ENOX1: variants seen among roughly 807,000 people sequenced by gnomAD.
ENOX1 encodes the protein ecto-NOX disulfide-thiol exchanger 1.
In ENOX1, 42 loss-of-function variants were observed where a neutral mutation model predicts 82.5. The observed-to-expected ratio is 0.51, with a 90% confidence interval of 0.40 to 0.66. The LOEUF is 0.66. Among genes scored for constraint, ENOX1 ranks in the 30% least tolerant of loss-of-function variants. ENOX1 has a pLI of 0.00. For missense variants in ENOX1, 608 were observed against 811.6 expected, an observed-to-expected ratio of 0.75 and a Z score of 3.05; for synonymous variants, 271 against 282.2, an observed-to-expected ratio of 0.96 and a Z score of 0.40.
chr13:43,741,083 CTTTTT>C (rs35602155), intron 1 of ENOX1, among the ~76,000 whole-genome samples: 6 of 127,134 alleles, frequency 4.7e-5, no homozygotes, highest in Middle Eastern at 3.7e-3. Flanking sequence ...ATGGCTGAAA[CTTTTT>C]TTTTTTTTTT....
chr13:43,299,919 C>T (rs772218095), intron 11 of ENOX1, among the ~76,000 whole-genome samples: 3 of 152,162 alleles, frequency 2.0e-5, no homozygotes, highest in Admixed American at 6.5e-5. Context: ...GAGTGTTCTA[C>T]CTGCACATTA....
chr13:43,417,201 G>C (rs889935320), intron 3 of ENOX1, among the ~76,000 whole-genome samples: 2 of 111,776 alleles, frequency 1.8e-5, no homozygotes, highest in Non-Finnish European at 3.5e-5. Context: ...AGAGGGAGAC[G>C]GGAGACGGGA....
intron 2 of ENOX1, among the ~76,000 whole-genome samples, chr13:43,514,374 T>C (rs1015489154): frequency 6.6e-6 from 1 of 152,200 alleles, no homozygotes; most frequent in Non-Finnish European, 1.5e-5. Context: ...CAAATGTATT[T>C]TTGTCTTAAT....
chr13:43,336,113 T>C (rs75541738), intron 9 of ENOX1, among the ~76,000 whole-genome samples: 2,324 of 152,282 alleles, frequency 0.015, 71 homozygotes, highest in African/African-American at 0.053. Context: ...GGGCAAACAT[T>C]TTAACACTTC....
At chr13:43,667,340 G>C in intron 2 of ENOX1, 139 bp downstream of exon 2, 4 of 457,022 alleles carry the variant, frequency 8.8e-6, no homozygotes, top group Non-Finnish European at 1.2e-5. Context: ...GAGATCTTCT[G>C]CCACAGGCCC....
At chr13:43,407,149 G>C (rs535296268) in intron 5 of ENOX1, among the ~76,000 whole-genome samples, 2 of 152,316 alleles carry the variant, frequency 1.3e-5, no homozygotes, top group South Asian at 4.1e-4. Flanking sequence ...CTTGGGATTT[G>C]ATATTCTAGA....
chr13:43,593,691 CA>C (rs2153726849), intron 2 of ENOX1, among the ~76,000 whole-genome samples: 1 of 143,678 alleles, frequency 7.0e-6, no homozygotes, highest in South Asian at 2.4e-4. Flanking sequence ...CACACACACA[CA>C]CACACACACA....
At chr13:43,637,104 G>T (rs1280485232) in intron 2 of ENOX1, among the ~76,000 whole-genome samples, 2 of 152,188 alleles carry the variant, frequency 1.3e-5, no homozygotes, top group Admixed American at 1.3e-4. Flanking sequence ...CACATTCTAT[G>T]TGGACCTAAT....
At chr13:43,322,640 A>C in intron 10 of ENOX1, 139 bp from the exon 11 acceptor site, 6 of 685,406 alleles carry the variant, frequency 8.8e-6, no homozygotes, top group Non-Finnish European at 9.7e-6. Flanking sequence ...ACCTAACCTA[A>C]AGGAGGTTCT....
intron 3 of ENOX1, among the ~76,000 whole-genome samples, chr13:43,414,125 A>G (rs2054304261): frequency 6.6e-6 from 1 of 152,160 alleles, no homozygotes; most frequent in South Asian, 2.1e-4. Flanking sequence ...TCTTAGGTAT[A>G]AGAATCAGTA....
chr13:43,633,827 T>C (rs1156380247), intron 2 of ENOX1, among the ~76,000 whole-genome samples: 1 of 152,060 alleles, frequency 6.6e-6, no homozygotes, highest in South Asian at 2.1e-4. Context: ...AAAGAGCTTA[T>C]AACTTTTAAA....
chr13:43,236,353 C>T (rs758270739), intron 15 of ENOX1, among the ~76,000 whole-genome samples: 44 of 152,178 alleles, frequency 2.9e-4, no homozygotes, highest in Non-Finnish European at 5.7e-4. Flanking sequence ...CATGCCCAAG[C>T]TTTGAAATTC....
intron 14 of ENOX1, among the ~76,000 whole-genome samples, chr13:43,237,620 G>A (rs923176397): frequency 1.3e-5 from 2 of 152,146 alleles, no homozygotes; most frequent in Admixed American, 6.5e-5. Context: ...ACGGAGAGCC[G>A]AATGGACGAA....
intron 3 of ENOX1, among the ~76,000 whole-genome samples, chr13:43,430,664 C>T (rs567764806): frequency 6.6e-6 from 1 of 152,232 alleles, no homozygotes; most frequent in Non-Finnish European, 1.5e-5. Context: ...TCTTTGTAGG[C>T]GCTCTTACAG....
intron 12 of ENOX1, among the ~76,000 whole-genome samples, chr13:43,291,671 T>C (rs1428249798): frequency 6.6e-6 from 1 of 152,118 alleles, no homozygotes; most frequent in African/African-American, 2.4e-5. Flanking sequence ...CCCAGCCACA[T>C]GGTAACCAAG....
chr13:43,385,521 A>G (rs1022597416), intron 5 of ENOX1, among the ~76,000 whole-genome samples: 2 of 152,210 alleles, frequency 1.3e-5, no homozygotes, highest in Admixed American at 1.3e-4. Context: ...TAAAAACAAG[A>G]TATTTTTCAC....
chr13:43,749,603 C>T (rs921859715), intron 1 of ENOX1, among the ~76,000 whole-genome samples: 7 of 152,160 alleles, frequency 4.6e-5, no homozygotes, highest in Non-Finnish European at 7.3e-5. Flanking sequence ...TTGCTCCTCA[C>T]GGGCAATTAG....
At chr13:43,330,689 A>G (rs2048364007) in intron 9 of ENOX1, among the ~76,000 whole-genome samples, 1 of 152,178 alleles carries the variant, frequency 6.6e-6, no homozygotes, top group Non-Finnish European at 1.5e-5. Flanking sequence ...ATCACAGTAG[A>G]GCCCCTAGTA....
chr13:43,595,716 A>C (rs1957049205), intron 2 of ENOX1, among the ~76,000 whole-genome samples: 1 of 152,250 alleles, frequency 6.6e-6, no homozygotes, highest in Non-Finnish European at 1.5e-5. Context: ...AGTGAAAATC[A>C]AATTCACTTA....
Sources: allele counts gnomAD v4.1 joint callset (sites outside exome capture counted in the v4.1 genomes callset), GRCh38; gene constraint gnomAD v4.1.1; transcripts MANE v1.5; gene names NCBI Gene and HGNC (gene_info 2026-07-23, HGNC 2026-07-21).